The following FAM149A variants were observed in gnomAD, a reference collection of about 807,000 sequenced individuals.
FAM149A encodes protein FAM149A.
Under a neutral mutation model 78.2 loss-of-function variants are expected in FAM149A, and 71 were observed. The ratio of observed to expected loss-of-function variants is 0.91; its 90% confidence interval spans 0.75 to 1.11. The LOEUF is 1.11. Among genes scored for constraint, FAM149A ranks in the 50% least tolerant of loss-of-function variants. The pLI is 0.00. For synonymous variants in FAM149A, 446 were observed against 410.5 expected (o/e 1.09, Z -1.04); for missense variants, 1,036 against 971.0 (o/e 1.07, Z -0.89).
intron 8 of FAM149A, among the ~76,000 whole-genome samples, chr4:186,159,134 A>G (rs35448567): frequency 0.19 from 28,425 of 152,044 alleles, 2,711 homozygotes; most frequent in Middle Eastern, 0.29. Context: ...CATTGGGCTT[A>G]CTCAGCATTT....
Position 186,105,143 on chromosome 4 carries a change from C to T in FAM149A, c.67C>T (p.Pro23Ser), listed in dbSNP as rs1012668738. ...ACTCTTCGAGACCTCGACGGCGCCC[C>T]CCGCAGGCCCCTCCTCCAGACCCTC... The change falls in exon 1 of 14, where the codon CCC (proline) becomes TCC (serine). Residue 23 changes from proline (P) to serine (S), a missense_variant. Physicochemically the swap from Pro to Ser is moderately conservative, Grantham distance 74. Transcript: ENST00000389354. 8.6e-6 allele frequency: 11 copies of T among 1,280,092 alleles called. No individual in the cohort carries two copies. The African/African-American group carries it at 1.4e-4, about 16-fold the overall frequency. The allele number at this position is 1,280,092 out of a possible 1,614,324, so 79.3% of individuals were successfully genotyped here.
At chr4:186,124,224 C>A in intron 1 of FAM149A, 2 of 984,788 alleles carry the variant, frequency 2.0e-6, no homozygotes, top group Admixed American at 6.2e-5. Context: ...GGTTGGCTTT[C>A]GGTTTCTTGC....
At chr4:186,147,082 T>A (rs981100356) in intron 1 of FAM149A, 13 of 681,372 alleles carry the variant, frequency 1.9e-5, no homozygotes, top group Non-Finnish European at 2.4e-5. Flanking sequence ...TAGCAGGTGA[T>A]GATGATAATA....
At chr4:186,160,000 TCCCCCCACACA>T (rs1263267479) in intron 8 of FAM149A, among the ~76,000 whole-genome samples, 2 of 46,514 alleles carry the variant, frequency 4.3e-5, no homozygotes, top group South Asian at 7.9e-4. Flanking sequence ...ACTGCACACA[TCCCCCCACACA>T]CCCCCCACAC....
chr4:186,108,276 G>A (rs978824879), intron 1 of FAM149A, among the ~76,000 whole-genome samples: 3 of 152,134 alleles, frequency 2.0e-5, no homozygotes, highest in African/African-American at 7.2e-5. Flanking sequence ...AAAGGAAACC[G>A]TAAACCTGTC....
At chr4:186,123,007 T>G (rs1706145) in intron 1 of FAM149A, among the ~76,000 whole-genome samples, 66,886 of 152,044 alleles carry the variant, frequency 0.44, 15,622 homozygotes, top group Admixed American at 0.51. Context: ...GAAATTATGA[T>G]AGAGCCTAGA....
chr4:186,157,402 G>A (rs1486671857), intron 7 of FAM149A, among the ~76,000 whole-genome samples, 163 bp from the exon 8 acceptor site: 2 of 152,168 alleles, frequency 1.3e-5, no homozygotes, highest in Non-Finnish European at 2.9e-5. Flanking sequence ...CCAGCAGCCA[G>A]TTGCTCCACA....
chr4:186,117,669 G>A, intron 1 of FAM149A: 4 of 983,518 alleles, frequency 4.1e-6, no homozygotes, highest in Non-Finnish European at 4.8e-6. Flanking sequence ...GTTAAAACTA[G>A]GGAGAGCCTG....
chr4:186,134,860 C>T (rs951738841), intron 1 of FAM149A, among the ~76,000 whole-genome samples: 1 of 152,154 alleles, frequency 6.6e-6, no homozygotes, highest in Non-Finnish European at 1.5e-5. Flanking sequence ...TCCTCTACTC[C>T]TTCAAACATT....
intron 5 of FAM149A, 81 bp from the exon 6 acceptor site, chr4:186,154,387 G>A: frequency 8.3e-7 from 1 of 1,203,724 alleles, no homozygotes; most frequent in South Asian, 1.7e-5. Context: ...ACAGATAATT[G>A]AAAGATCCGC....
intron 1 of FAM149A, chr4:186,146,920 T>C: frequency 1.0e-6 from 1 of 985,458 alleles, no homozygotes; most frequent in African/African-American, 1.7e-5. Context: ...ACCGAGGGCA[T>C]CTTTTGTGTG....
chr4:186,130,285 C>A (rs1216297321), intron 1 of FAM149A: 8 of 40,318 alleles, frequency 2.0e-4, no homozygotes, highest in African/African-American at 8.1e-4. Flanking sequence ...CTCTCTCTCT[C>A]TCTCTCTCTA....
At chr4:186,119,559 A>G (rs2099315123) in intron 1 of FAM149A, among the ~76,000 whole-genome samples, 1 of 152,228 alleles carries the variant, frequency 6.6e-6, no homozygotes, top group South Asian at 2.1e-4. Flanking sequence ...TTCTTCTCAA[A>G]TGCATGTATA....
chr4:186,123,478 A>C, intron 1 of FAM149A: 1 of 639,234 alleles, frequency 1.6e-6, no homozygotes, highest in Non-Finnish European at 1.9e-6. Context: ...CTTTATTAAT[A>C]AGGGCCATTT....
Position 186,158,004 on chromosome 4 carries a change from T to G in FAM149A, c.1575+285T>G, listed in dbSNP as rs901607817. 24 of 1,476,618 alleles carry G rather than the reference T, an allele frequency of 1.6e-5. No homozygotes were observed. In the African/African-American group the frequency reaches 2.9e-4, roughly 18 times the overall value. 91.5% of individuals were successfully genotyped at this position (1,476,618 alleles called of 1,614,324 possible). On this transcript the variant is annotated intron_variant, in intron 8 of 13. Transcript: ENST00000389354. ...CACCCTTGGCTTCCAGATGGAGCAGTATATCCACAAAAGGACGGACCAGCG... is the reference window on the plus strand; with the variant it reads ...CACCCTTGGCTTCCAGATGGAGCAGGATATCCACAAAAGGACGGACCAGCG...
intron 13 of FAM149A, among the ~76,000 whole-genome samples, chr4:186,168,314 C>T (rs568899062): frequency 6.6e-6 from 1 of 152,322 alleles, no homozygotes; most frequent in South Asian, 2.1e-4. Flanking sequence ...AGCTCGTTCT[C>T]TAAAAAGCAG....
chr4:186,171,438 C>T (rs1735519299), intron 13 of FAM149A, among the ~76,000 whole-genome samples: 2 of 152,172 alleles, frequency 1.3e-5, no homozygotes, highest in South Asian at 4.1e-4. Context: ...GGCACATGAC[C>T]TCCTTGCTAC....
Position 186,162,914 on chromosome 4 carries a change from C to T in FAM149A, c.1645C>T (p.Gln549Ter). Reference sequence around the variant, plus strand: ...CATGACAATTCAAGCAAAACCGCTTCAGCGGAGACCTGCCTATTTTGCTGA... The same window carrying T: ...CATGACAATTCAAGCAAAACCGCTTTAGCGGAGACCTGCCTATTTTGCTGA... Residue 549 changes from glutamine (Q) to a stop codon, truncating the protein, a stop_gained, in exon 9 of 14, where the codon CAG becomes TAG. Transcript: ENST00000389354. LOFTEE classifies it high-confidence loss of function. The T allele has an allele frequency of 6.2e-7, 1 of 1,604,626 alleles. No individual in the cohort carries two copies.
intron 13 of FAM149A, among the ~76,000 whole-genome samples, chr4:186,170,238 C>T (rs113397353): frequency 0.069 from 10,434 of 152,312 alleles, 493 homozygotes; most frequent in African/African-American, 0.12. Context: ...GTGAGAGACA[C>T]GGGCCTTGGC....
Sources: gnomAD v4.1 joint callset for allele counts (sites outside exome capture counted in the v4.1 genomes callset) on GRCh38, gnomAD v4.1.1 for gene constraint, MANE v1.5 for transcripts, NCBI Gene and HGNC (gene_info 2026-07-23, HGNC 2026-07-21) for gene names.